Variants in CCDC57 observed in about 807,000 individuals in gnomAD.
The protein encoded by CCDC57 is coiled-coil domain-containing protein 57.
A neutral mutation model predicts 118.9 loss-of-function variants in CCDC57; 118 were observed. The observed-to-expected ratio is 0.99, with a 90% CI of 0.86 to 1.16. The LOEUF (loss-of-function observed/expected upper bound fraction) is 1.16. Ranked by LOEUF, CCDC57 falls within the 50% of genes most tolerant of loss-of-function variation. The probability of loss-of-function intolerance (pLI) is 0.00; values close to 1 mark genes in which losing one functional copy is unlikely to be tolerated. For missense variants in CCDC57, 1,300 were observed against 1,320.7 expected, an observed-to-expected ratio of 0.98 and a Z score of 0.24; for synonymous variants, 527 against 532.9, an observed-to-expected ratio of 0.99 and a Z score of 0.15.
In CCDC57 at chr17:82,143,786, T is replaced by C. The variant is rs186901536; in HGVS notation, c.2455+7774A>G. 4.3e-3 allele frequency among the ~76,000 whole-genome samples: 649 copies of C among 151,648 alleles called. 5 individuals carry two copies. Among genetic ancestry groups the C allele is most frequent in the African/African-American group, 0.015 (629 of 41,312 alleles). On this transcript the variant is annotated intron_variant, in intron 16 of 19. Coordinates refer to ENST00000665763, the Ensembl canonical transcript of CCDC57. ...TGGTAAAACAGGAGCACCTAACAGATTGGGAGAAAAGTCTAAAAACAGCTT... is the reference window on the plus strand; with the variant it reads ...TGGTAAAACAGGAGCACCTAACAGACTGGGAGAAAAGTCTAAAAACAGCTT...
At chr17:82,113,771 A>G (rs1287042638) in intron 19 of CCDC57, 2 of 662,258 alleles carry the variant, frequency 3.0e-6, no homozygotes, top group Admixed American at 4.7e-5. Flanking sequence ...CATTTCTACA[A>G]AAAAATAAAA....
At chr17:82,148,701 T>G in intron 16 of CCDC57, among the ~76,000 whole-genome samples, 1 of 74,006 alleles carries the variant, frequency 1.4e-5, no homozygotes, top group Non-Finnish European at 2.5e-5. Context: ...GTTGGGTGGG[T>G]GGGCAGACGG....
At chr17:82,211,282 G>C (rs1568517759) in intron 1 of CCDC57, among the ~76,000 whole-genome samples, 1 of 152,072 alleles carries the variant, frequency 6.6e-6, no homozygotes, top group African/African-American at 2.4e-5. Context: ...CAAAACATCA[G>C]AGAAATGCCC....
At chr17:82,122,349 C>T (rs1231756956) in intron 19 of CCDC57, among the ~76,000 whole-genome samples, 1 of 111,868 alleles carries the variant, frequency 8.9e-6, no homozygotes. Flanking sequence ...GCTGCAGACC[C>T]TTTGCAAGGG....
intron 19 of CCDC57, among the ~76,000 whole-genome samples, chr17:82,103,326 G>GT (rs1438043810): frequency 6.6e-6 from 1 of 151,798 alleles, no homozygotes; most frequent in African/African-American, 2.4e-5. Context: ...CCCTGCTGGG[G>GT]TCCTGGGGGG....
intron 10 of CCDC57, 151 bp downstream of exon 9, chr17:82,178,876 T>TTTTATTACTCTAA (rs956490548): frequency 2.1e-6 from 2 of 974,540 alleles, no homozygotes; most frequent in Non-Finnish European, 2.9e-6. Flanking sequence ...CGGGGTGCAT[T>TTTTATTACTCTAA]TTTATTACTC....
intron 13 of CCDC57, among the ~76,000 whole-genome samples, chr17:82,170,662 C>A (rs2044584750): frequency 6.6e-6 from 1 of 151,918 alleles, no homozygotes; most frequent in Admixed American, 6.6e-5. Flanking sequence ...ACCCACCCTG[C>A]CGGCAACCTG....
intron 10 of CCDC57, 126 bp from the exon 10 acceptor site, chr17:82,178,731 C>T (rs1309399788): frequency 1.3e-5 from 18 of 1,377,754 alleles, no homozygotes; most frequent in African/African-American, 1.0e-4. Context: ...GTGGCCAGGC[C>T]GCCAAACCCT....
chr17:82,107,848 G>A lies in CCDC57; in HGVS notation c.2900-5982C>T, dbSNP rs535563092. ...GCTCTCAGCATCCTACAGTGCCATC[G>A]GGTGCTCTCAGGACAGATGCCTACA... On this transcript the variant is annotated intron_variant, in intron 19 of 19. Transcript: ENST00000665763. 2.1e-4 allele frequency among the ~76,000 whole-genome samples: 32 copies of A among 152,258 alleles called. No homozygotes were observed. The South Asian group carries it at 6.0e-3, about 29-fold the overall frequency.
chr17:82,199,440 T>G (rs2048719293), intron 3 of CCDC57, among the ~76,000 whole-genome samples: 1 of 130,604 alleles, frequency 7.7e-6, no homozygotes, highest in African/African-American at 2.9e-5. Context: ...ATCGCGCCAC[T>G]GCACTCCAGC....
In CCDC57 at chr17:82,159,711, G is replaced by A. The variant is rs375035412; in HGVS notation, c.2041-1763C>T. 1.2e-4 allele frequency among the ~76,000 whole-genome samples: 18 copies of A among 146,426 alleles called. No homozygotes were observed. In the South Asian group the frequency reaches 2.6e-3, roughly 21 times the overall value. On this transcript the variant is annotated intron_variant, in intron 14 of 19. Transcript: ENST00000665763. ...TTTTGAGACGGAGTCTTGCTCTGTC[G>A]CCCAGGCTGGAGTGCAGTAGCGCGA...
chr17:82,210,721 A>C (rs949543502), intron 1 of CCDC57, among the ~76,000 whole-genome samples: 2 of 149,922 alleles, frequency 1.3e-5, no homozygotes, highest in African/African-American at 4.9e-5. Context: ...AAGGCCGGGC[A>C]CGGTGGCTCA....
intron 2 of CCDC57, among the ~76,000 whole-genome samples, chr17:82,204,318 C>T (rs1048771943): frequency 2.0e-5 from 3 of 152,136 alleles, no homozygotes; most frequent in Non-Finnish European, 4.4e-5. Context: ...CCTCGTCTCC[C>T]TCAGCTCCTA....
rs35292148 is a variant in CCDC57, at chr17:82,135,968, A to T, written c.2456-1774T>A. On this transcript the variant is annotated intron_variant, in intron 16 of 19. Coordinates refer to ENST00000665763, the Ensembl canonical transcript of CCDC57. Reference sequence around the variant, plus strand: ...ATATGCAATAAAAGTATTCTTAATTAAAAAAAACCCCGACAGAAAATAGCA... The same window carrying T: ...ATATGCAATAAAAGTATTCTTAATTTAAAAAAACCCCGACAGAAAATAGCA... Among the ~76,000 whole-genome samples the T allele has an allele frequency of 4.5e-3, 690 of 152,226 alleles. 4 individuals are homozygous for T. Among genetic ancestry groups the T allele is most frequent in the Non-Finnish European group, 6.9e-3 (469 of 68,018 alleles).
chr17:82,161,491 C>T (rs368721199), intron 14 of CCDC57, among the ~76,000 whole-genome samples: 8 of 152,104 alleles, frequency 5.3e-5, no homozygotes, highest in Admixed American at 1.3e-4. Context: ...ATCCAAACAG[C>T]GGAAACAACC....
intron 15 of CCDC57, chr17:82,157,271 C>T (rs2042786488): frequency 4.8e-6 from 1 of 209,000 alleles, no homozygotes; most frequent in Non-Finnish European, 8.8e-6. Flanking sequence ...GATAGGAGTG[C>T]CATGGCCTGG....
intron 1 of CCDC57, among the ~76,000 whole-genome samples, chr17:82,209,282 T>C (rs138259331): frequency 2.0e-5 from 3 of 152,272 alleles, no homozygotes; most frequent in Admixed American, 6.5e-5. Context: ...AAGTGAGAAA[T>C]AGAAGTTGAA....
intron 16 of CCDC57, among the ~76,000 whole-genome samples, chr17:82,141,874 C>T (rs1485022989): frequency 2.0e-5 from 3 of 152,282 alleles, no homozygotes; most frequent in East Asian, 3.9e-4. Flanking sequence ...TTGTCTACTG[C>T]ACTTCCACTG....
chr17:82,202,189 G>A (rs577115484), intron 2 of CCDC57, among the ~76,000 whole-genome samples: 7 of 152,026 alleles, frequency 4.6e-5, no homozygotes, highest in East Asian at 2.0e-4. Context: ...AAATTAGGCC[G>A]GGTGCAGTGG....
Sources: gnomAD v4.1 joint callset for allele counts (sites outside exome capture counted in the v4.1 genomes callset) on GRCh38, gnomAD v4.1.1 for gene constraint, MANE v1.5 for transcripts, NCBI Gene and HGNC (gene_info 2026-07-23, HGNC 2026-07-21) for gene names.